Variants in PPTC7 observed in about 807,000 individuals in gnomAD.
PPTC7 encodes protein phosphatase targeting COQ7.
Under a neutral mutation model 30.8 loss-of-function variants are expected in PPTC7, and 6 were observed. The ratio of observed to expected loss-of-function variants is 0.19; its 90% CI spans 0.11 to 0.38. The LOEUF is 0.38. PPTC7 is among the 10% of genes least tolerant of loss of function. The pLI, the probability that PPTC7 is intolerant of heterozygous loss-of-function variation, is 1.00. For synonymous variants in PPTC7, 163 were observed against 168.1 expected, an observed-to-expected ratio of 0.97 and a Z score of 0.23; for missense variants, 218 against 404.8, an observed-to-expected ratio of 0.54 and a Z score of 3.96.
At chr12:110,554,510 G>A (rs2064371810) in intron 1 of PPTC7, among the ~76,000 whole-genome samples, 1 of 152,118 alleles carries the variant, frequency 6.6e-6, no homozygotes. Flanking sequence ...TGAATATTAG[G>A]AAATTTAAAA....
At chr12:110,555,129 T>C (rs2064376018) in intron 1 of PPTC7, among the ~76,000 whole-genome samples, 1 of 152,172 alleles carries the variant, frequency 6.6e-6, no homozygotes, top group African/African-American at 2.4e-5. Flanking sequence ...GAATTGGACA[T>C]GTGAAACTAT....
At position 110,580,017 on chromosome 12, in the gene PPTC7, AC is replaced by A. The variant is rs931262020; in HGVS notation, c.223+2791del. ...AACAAGAGCGAAACTCCATACCCGC[AC>A]CCCCCACCCACCAAAAAAAAAAAAG... is the stretch of plus-strand genomic sequence containing the variant. On this transcript the variant is annotated intron_variant, in intron 1 of 5. Transcript: ENST00000354300. 7.4e-5 allele frequency among the ~76,000 whole-genome samples: 11 copies of A among 148,446 alleles called. No homozygotes were observed. In the South Asian group the frequency reaches 2.4e-3, roughly 32 times the overall value.
At chr12:110,563,146 A>G (rs796820106) in intron 1 of PPTC7, among the ~76,000 whole-genome samples, 499 of 148,760 alleles carry the variant, frequency 3.4e-3, no homozygotes, top group African/African-American at 0.011. Context: ...AAAAAAAAAA[A>G]AAGAAGAAGA....
At chr12:110,565,375 C>T (rs1201881013) in intron 1 of PPTC7, among the ~76,000 whole-genome samples, 4 of 152,090 alleles carry the variant, frequency 2.6e-5, no homozygotes, top group Non-Finnish European at 5.9e-5. Flanking sequence ...TCTGCCTCAG[C>T]CTCCTGAGTA....
At chr12:110,560,476 C>CA (rs1273577779) in intron 1 of PPTC7, among the ~76,000 whole-genome samples, 3 of 152,060 alleles carry the variant, frequency 2.0e-5, no homozygotes, top group Non-Finnish European at 4.4e-5. Flanking sequence ...CCCAATTACA[C>CA]AGTCACCTAA....
Position 110,568,125 on chromosome 12 carries a change from T to C in PPTC7, c.223+14684A>G, listed in dbSNP as rs115956786. 2.3e-3 allele frequency among the ~76,000 whole-genome samples: 350 copies of C among 152,244 alleles called. 2 individuals carry two copies. The highest frequency in any genetic ancestry group is 7.8e-3 in the African/African-American group (322 of 41,530). ...GACCCTACCAGCCATGAAACAGCTG[T>C]AGTTTTGGGGATCTACTTTGCCTTT... On this transcript the variant is annotated intron_variant, in intron 1 of 5. Transcript: ENST00000354300.
intron 1 of PPTC7, among the ~76,000 whole-genome samples, chr12:110,558,332 T>G (rs577168729): frequency 6.6e-6 from 1 of 152,146 alleles, no homozygotes; most frequent in Non-Finnish European, 1.5e-5. Flanking sequence ...ATAATCTCTA[T>G]GGAGGTAGAG....
intron 4 of PPTC7, among the ~76,000 whole-genome samples, chr12:110,538,702 C>T (rs952318399): frequency 5.3e-5 from 8 of 152,144 alleles, no homozygotes; most frequent in Non-Finnish European, 8.8e-5. Context: ...AGATTCCTGT[C>T]GAGCTGTGAA....
At chr12:110,557,245 A>G (rs1401672945) in intron 1 of PPTC7, among the ~76,000 whole-genome samples, 2 of 152,206 alleles carry the variant, frequency 1.3e-5, no homozygotes, top group Non-Finnish European at 2.9e-5. Flanking sequence ...AAAACTTAGT[A>G]CCAACAAAAG....
intron 1 of PPTC7, among the ~76,000 whole-genome samples, chr12:110,568,017 A>C (rs1367942844): frequency 6.7e-6 from 1 of 150,208 alleles, no homozygotes; most frequent in African/African-American, 2.5e-5. Context: ...CAAACCAAAC[A>C]AAAAACCCAC....
In PPTC7 at chr12:110,536,846, G is replaced by T; in HGVS notation, c.*191C>A. The T allele has an allele frequency of 1.9e-6, 1 of 539,026 alleles. No individual in the cohort carries two copies. The highest frequency in any genetic ancestry group is 3.3e-5 in the Admixed American group (1 of 29,934). 33.4% of individuals were successfully genotyped at this position (539,026 alleles called of 1,614,324 possible). On this transcript the variant is annotated 3_prime_UTR_variant, in exon 6 of 6. Transcript: ENST00000354300. ...TGGATCTCTTCAATTGCTGCCGGCA[G>T]ATATGAGCTAGTGAATGATAGTAGT... is the stretch of plus-strand genomic sequence containing the variant.
chr12:110,550,390 C>T (rs1593149883), intron 2 of PPTC7, among the ~76,000 whole-genome samples: 1 of 151,894 alleles, frequency 6.6e-6, no homozygotes, highest in African/African-American at 2.4e-5. Context: ...ACCACCACAC[C>T]CGGCTAATTT....
chr12:110,576,695 C>T (rs997208584), intron 1 of PPTC7, among the ~76,000 whole-genome samples: 1 of 150,874 alleles, frequency 6.6e-6, no homozygotes, highest in African/African-American at 2.4e-5. Flanking sequence ...CTTTCTGTTG[C>T]CAGGGAGATG....
chr12:110,552,351 A>C (rs1408736307), intron 1 of PPTC7, among the ~76,000 whole-genome samples: 1 of 152,262 alleles, frequency 6.6e-6, no homozygotes, highest in Non-Finnish European at 1.5e-5. Context: ...GATACAATTC[A>C]GTCAGAGCTG....
rs765847470 is a variant in PPTC7, at chr12:110,546,026, G to A, written c.456C>T (p.His152=). The change falls in exon 3 of 6, where the codon CAC becomes CAT. Residue 152 remains histidine, a synonymous_variant. Coordinates refer to ENST00000354300, the MANE Select transcript of PPTC7 (RefSeq NM_139283.2). ...AGCCTGAATCGCCCAGGTTTGCTGT[G>A]TGTAAGCGGTGGCTGGTTCTGTCCA... ...VVLDRTSHRL[H]TANLGDSGFL... 2 of 1,614,180 alleles carry A rather than the reference G, an allele frequency of 1.2e-6. No individual in the cohort carries two copies. Among genetic ancestry groups the A allele is most frequent in the Non-Finnish European group, 1.7e-6 (2 of 1,180,036 alleles).
rs370170166 is a variant in PPTC7, at chr12:110,565,031, T to C, written c.224-13063A>G. Among the ~76,000 whole-genome samples the C allele has an allele frequency of 1.6e-3, 241 of 151,532 alleles. 2 individuals are homozygous for C. Among genetic ancestry groups the C allele is most frequent in the African/African-American group, 5.7e-3 (234 of 41,292 alleles). On this transcript the variant is annotated intron_variant, in intron 1 of 5. Transcript: ENST00000354300. Reference sequence around the variant, plus strand: ...CTGGGATTACAGGCACCCGTCACCATGCCCGGTTCATTTTTTGAATTTTTA... The same window carrying C: ...CTGGGATTACAGGCACCCGTCACCACGCCCGGTTCATTTTTTGAATTTTTA...
chr12:110,555,179 A>G (rs1256905638), intron 1 of PPTC7, among the ~76,000 whole-genome samples: 1 of 152,224 alleles, frequency 6.6e-6, no homozygotes, highest in African/African-American at 2.4e-5. Context: ...AAGGGAACAC[A>G]TCGTGAAAAA....
chr12:110,574,055 T>C (rs1290703449), intron 1 of PPTC7, among the ~76,000 whole-genome samples: 1 of 143,076 alleles, frequency 7.0e-6, no homozygotes, highest in African/African-American at 2.6e-5. Context: ...CCCAGTACTC[T>C]GGGAAGCTGA....
intron 1 of PPTC7, among the ~76,000 whole-genome samples, chr12:110,558,120 T>C (rs983948266): frequency 7.2e-5 from 11 of 152,206 alleles, no homozygotes; most frequent in African/African-American, 2.7e-4. Context: ...TATTCTACAG[T>C]TGGCAAGGGT....
Sources: gnomAD v4.1 joint callset for allele counts (sites outside exome capture counted in the v4.1 genomes callset) on GRCh38, gnomAD v4.1.1 for gene constraint, MANE v1.5 for transcripts, NCBI Gene and HGNC (gene_info 2026-07-23, HGNC 2026-07-21) for gene names.